ACOT7: variants seen among roughly 807,000 people sequenced by gnomAD.
ACOT7 encodes the protein acyl-CoA thioesterase 7.
Under a neutral mutation model 40.2 loss-of-function variants are expected in ACOT7, and 12 were observed. The observed-to-expected ratio is 0.30, with a 90% CI of 0.19 to 0.48. The LOEUF is 0.48. Among genes scored for constraint, ACOT7 ranks in the 20% least tolerant of loss-of-function variants. The probability of loss-of-function intolerance (pLI) is 0.99; values close to 1 mark genes in which losing one functional copy is unlikely to be tolerated. For synonymous variants in ACOT7, 228 were observed against 219.5 expected, an observed-to-expected ratio of 1.04 and a Z score of -0.34; for missense variants, 395 against 530.8, an observed-to-expected ratio of 0.74 and a Z score of 2.51.
Position 6,333,519 on chromosome 1 carries a change from C to T in ACOT7, c.468G>A (p.Ser156=), listed in dbSNP as rs371538518. The T allele has an allele frequency of 2.2e-5, 36 of 1,614,242 alleles. No homozygotes were observed. The East Asian group carries it at 3.3e-4, about 15-fold the overall frequency. ...CGAGGACCTTGTCCACATTCTTCAG[C>T]GACAGGGGCACATACCACAGGGTGG... The part of the protein sequence containing the change: ...NKATLWYVPL[S]LKNVDKVLEV... Residue 156 remains serine, a synonymous_variant, in exon 4 of 9, where the codon TCG becomes TCA. Coordinates refer to ENST00000361521, the MANE Select transcript of ACOT7 (RefSeq NM_007274.4).
chr1:6,290,824 T>C (rs2148390782), intron 7 of ACOT7, among the ~76,000 whole-genome samples: 1 of 152,336 alleles, frequency 6.6e-6, no homozygotes, highest in Non-Finnish European at 1.5e-5. Flanking sequence ...CATTTGGCTC[T>C]AGTGAGGCTG....
intron 4 of ACOT7, among the ~76,000 whole-genome samples, chr1:6,331,215 C>T (rs1640943960): frequency 6.6e-6 from 1 of 152,196 alleles, no homozygotes; most frequent in South Asian, 2.1e-4. Context: ...AACAGCATCC[C>T]TCAAAATGTA....
chr1:6,385,328 CCACTTAAGTGGG>C (rs1642416916), intron 1 of ACOT7, among the ~76,000 whole-genome samples: 1 of 121,218 alleles, frequency 8.2e-6, no homozygotes, highest in African/African-American at 4.1e-5. Flanking sequence ...CTGAGGGTGG[CCACTTAAGTGGG>C]CACTTTCAAT....
intron 1 of ACOT7, among the ~76,000 whole-genome samples, chr1:6,384,578 C>T (rs1407855350): frequency 3.3e-5 from 5 of 151,852 alleles, no homozygotes; most frequent in Admixed American, 1.3e-4. Flanking sequence ...TCCAACTCTC[C>T]GACACTAGGT....
At position 6,264,570 on chromosome 1, in the gene ACOT7, G is replaced by A. The variant is rs1166382554; in HGVS notation, c.*27C>T. 7 of 1,601,886 alleles carry A rather than the reference G, an allele frequency of 4.4e-6. No homozygotes were observed. The highest frequency in any genetic ancestry group is 4.5e-5 in the East Asian group (2 of 44,718). ...ACTGGGCCCGTTGCCATGGCTACTCGAGGCACCAGTGGCAGGAGGAGGGAG... is the reference window on the plus strand; with the variant it reads ...ACTGGGCCCGTTGCCATGGCTACTCAAGGCACCAGTGGCAGGAGGAGGGAG... On this transcript the variant is annotated 3_prime_UTR_variant, in exon 9 of 9. Transcript: ENST00000361521.
At chr1:6,377,203 A>T (rs1038801370) in intron 1 of ACOT7, among the ~76,000 whole-genome samples, 1 of 152,150 alleles carries the variant, frequency 6.6e-6, no homozygotes, top group Admixed American at 6.5e-5. Context: ...TGTACTCTTC[A>T]ATTAAATCAA....
chr1:6,345,425 A>G (rs1641392300), intron 2 of ACOT7, among the ~76,000 whole-genome samples: 1 of 152,210 alleles, frequency 6.6e-6, no homozygotes, highest in African/African-American at 2.4e-5. Flanking sequence ...TAGCTCTGTG[A>G]CCTTGTGCAG....
intron 4 of ACOT7, among the ~76,000 whole-genome samples, chr1:6,332,057 G>C (rs1005291852): frequency 1.3e-5 from 2 of 152,238 alleles, no homozygotes; most frequent in African/African-American, 4.8e-5. Flanking sequence ...ACGCTGGGGA[G>C]GGAACCAAGG....
rs548573203 is a variant in ACOT7, at chr1:6,310,844, T to C, written c.712+7648A>G. Reference sequence around the variant, plus strand: ...CCTCCACCTCCCAGGTTCAAGTGATTATCCTGCCTCAGCCTCCCAAGTAGC... The same window carrying C: ...CCTCCACCTCCCAGGTTCAAGTGATCATCCTGCCTCAGCCTCCCAAGTAGC... On this transcript the variant is annotated intron_variant, in intron 6 of 8. Coordinates refer to ENST00000361521, the MANE Select transcript of ACOT7 (RefSeq NM_007274.4). 1.2e-3 allele frequency among the ~76,000 whole-genome samples: 190 copies of C among 152,288 alleles called. 1 individual carries two copies. The highest frequency in any genetic ancestry group is 4.3e-3 in the African/African-American group (178 of 41,572).
rs532863120 is a variant in ACOT7, at chr1:6,284,498, C to T, written c.830-3212G>A. On this transcript the variant is annotated intron_variant, in intron 7 of 8. Transcript: ENST00000361521. ...GGCTGAGGCAACAGAATCGCCTGAA[C>T]CCGGGAGGCGCAGGTTGCAGTGAGC... 7.3e-5 allele frequency among the ~76,000 whole-genome samples: 11 copies of T among 151,536 alleles called. No homozygotes were observed. The South Asian group carries it at 2.3e-3, about 32-fold the overall frequency.
intron 8 of ACOT7, among the ~76,000 whole-genome samples, chr1:6,266,560 G>A (rs973065546): frequency 6.6e-6 from 1 of 152,254 alleles, no homozygotes; most frequent in Non-Finnish European, 1.5e-5. Context: ...GACCACATCT[G>A]TGTAGCAGGG....
In ACOT7 at chr1:6,352,325, C is replaced by A. The variant is rs1473052784; in HGVS notation, c.144-2459G>T. The A allele has an allele frequency of 6.5e-6, 1 of 152,688 alleles. No homozygotes were observed. The highest frequency in any genetic ancestry group is 1.9e-4 in the East Asian group (1 of 5,194). The allele number at this position is 152,688 out of a possible 1,614,324, so 9.5% of individuals were successfully genotyped here. A position where few individuals can be genotyped will look rare whatever the true frequency, so the allele number is the denominator to read the frequency against. Reference sequence around the variant, plus strand: ...TTCCTTCCCATCCTGCATACCACCACCAGCTGCTCCACACCTGGCCCCTCC... The same window carrying A: ...TTCCTTCCCATCCTGCATACCACCAACAGCTGCTCCACACCTGGCCCCTCC... On this transcript the variant is annotated intron_variant, in intron 1 of 8. Coordinates refer to ENST00000361521, the MANE Select transcript of ACOT7 (RefSeq NM_007274.4). The surrounding 1 kb of genome is among the most constrained non-coding windows in gnomAD (Gnocchi z 4.5).
chr1:6,310,664 CCCCAG>C (rs1640306356), intron 6 of ACOT7, among the ~76,000 whole-genome samples: 1 of 152,218 alleles, frequency 6.6e-6, no homozygotes, highest in South Asian at 2.1e-4. Flanking sequence ...GGTTTCTGGG[CCCCAG>C]CCCAGCCCTG....
chr1:6,284,121 T>C lies in ACOT7; in HGVS notation c.830-2835A>G, dbSNP rs528026566. On this transcript the variant is annotated intron_variant, in intron 7 of 8. Transcript: ENST00000361521. Reference sequence around the variant, plus strand: ...AGAGCCCAGTTTCCAGGGGCCCTGGTTTAGGGTATCCCATCTCCTAGACCC... The same window carrying C: ...AGAGCCCAGTTTCCAGGGGCCCTGGCTTAGGGTATCCCATCTCCTAGACCC... Among the ~76,000 whole-genome samples the C allele has an allele frequency of 3.9e-5, 6 of 152,270 alleles. No individual in the cohort carries two copies. The South Asian group carries it at 1.2e-3, about 32-fold the overall frequency.
chr1:6,360,724 C>T (rs1394505570), intron 1 of ACOT7: 26 of 1,608,456 alleles, frequency 1.6e-5, no homozygotes, highest in East Asian at 6.7e-5. Context: ...TGAGCCTGGG[C>T]CCCAATACTG....
intron 1 of ACOT7, among the ~76,000 whole-genome samples, chr1:6,369,858 G>A (rs894941062): frequency 6.6e-6 from 1 of 152,114 alleles, no homozygotes; most frequent in African/African-American, 2.4e-5. Flanking sequence ...AGGATTACAG[G>A]CCCAAAATGC....
rs995418671 is a variant in ACOT7 at position 6,294,608 on chromosome 1, T to C, written c.829+256A>G. ...CCAGAGCTCTGTCTGTGGAGCGTTTTCAGAGGGTGAGTTTAGGCAGGTCTT... is the reference window on the plus strand; with the variant it reads ...CCAGAGCTCTGTCTGTGGAGCGTTTCCAGAGGGTGAGTTTAGGCAGGTCTT... On this transcript the variant is annotated intron_variant, in intron 7 of 8. Coordinates refer to ENST00000361521, the MANE Select transcript of ACOT7 (RefSeq NM_007274.4). This position sits in a 1 kb window ranked among gnomAD's most constrained non-coding sequence, Gnocchi z 4.6. Among the ~76,000 whole-genome samples the C allele has an allele frequency of 1.3e-5, 2 of 152,240 alleles. No individual in the cohort carries two copies. The highest frequency in any genetic ancestry group is 4.8e-5 in the African/African-American group (2 of 41,462).
intron 8 of ACOT7, among the ~76,000 whole-genome samples, chr1:6,276,882 G>A (rs996750813): frequency 9.9e-5 from 15 of 152,050 alleles, no homozygotes; most frequent in Non-Finnish European, 2.9e-5. Flanking sequence ...AACATGACGC[G>A]GCCACACCCA....
intron 8 of ACOT7, among the ~76,000 whole-genome samples, chr1:6,276,358 A>C (rs555047639): frequency 6.6e-6 from 1 of 152,186 alleles, no homozygotes; most frequent in Admixed American, 6.5e-5. Flanking sequence ...CCTTCGGCCC[A>C]AGGTCAGAGG....
Sources: gnomAD v4.1 joint callset for allele counts (sites outside exome capture counted in the v4.1 genomes callset) on GRCh38, gnomAD v4.1.1 for gene constraint, Gnocchi (gnomAD v3.1) non-coding constraint, MANE v1.5 for transcripts, NCBI Gene and HGNC (gene_info 2026-07-23, HGNC 2026-07-21) for gene names.